Variants in KMT2C observed in about 807,000 individuals in gnomAD.
The protein encoded by KMT2C is histone-lysine N-methyltransferase 2C.
A neutral mutation model predicts 507.9 loss-of-function variants in KMT2C; 88 were observed. The observed-to-expected ratio is 0.17, with a 90% CI of 0.15 to 0.21. The LOEUF is 0.21. Ranked by LOEUF, KMT2C falls within the 10% of genes least tolerant of loss-of-function variation. KMT2C has a pLI of 1.00. For missense variants in KMT2C, 4,954 were observed against 5,957.8 expected, an observed-to-expected ratio of 0.83 and a Z score of 5.55; for synonymous variants, 2,049 against 2,080.8, an observed-to-expected ratio of 0.98 and a Z score of 0.42.
At chr7:152,187,991 C>G in intron 31 of KMT2C, 144 bp from the exon 32 acceptor site, 1 of 764,772 alleles carries the variant, frequency 1.3e-6, no homozygotes, top group Non-Finnish European at 2.1e-6. Flanking sequence ...GGATAGAAAA[C>G]ACAGGGAAAC....
chr7:152,390,261 A>G (rs2116539951), intron 1 of KMT2C, among the ~76,000 whole-genome samples: 1 of 152,422 alleles, frequency 6.6e-6, no homozygotes, highest in East Asian at 1.9e-4. Context: ...AAATGACATA[A>G]CTAAATATTC....
intron 7 of KMT2C, 131 bp downstream of exon 7, chr7:152,273,574 C>G: frequency 1.1e-6 from 1 of 942,870 alleles, no homozygotes; most frequent in South Asian, 3.7e-5. Flanking sequence ...GGCAACGATC[C>G]CTCAGATTTT....
intron 1 of KMT2C, among the ~76,000 whole-genome samples, chr7:152,412,406 A>G (rs78150962): frequency 1.1e-4 from 17 of 152,208 alleles, no homozygotes. Context: ...CTCTCAAAAA[A>G]AAATTTTTTT....
chr7:152,138,919 G>A lies in KMT2C; in HGVS notation c.14535-15C>T, dbSNP rs2129089313. 1 of 1,577,994 alleles carries A rather than the reference G, an allele frequency of 6.3e-7. No individual in the cohort carries two copies. Among genetic ancestry groups the A allele is most frequent in the Non-Finnish European group, 8.7e-7 (1 of 1,147,014 alleles). Reference sequence around the variant, plus strand: ...GGTTGATATACCTGCAAGCCACCATGTCAGAAAACTGTATTGTAAAACAGC... The same window carrying A: ...GGTTGATATACCTGCAAGCCACCATATCAGAAAACTGTATTGTAAAACAGC... On this transcript the variant is annotated splice_polypyrimidine_tract_variant and intron_variant, in intron 57 of 58. Transcript: ENST00000262189. The surrounding 1 kb of genome is among the most constrained non-coding windows in gnomAD (Gnocchi z 4.2).
At chr7:152,422,621 T>C (rs1480484820) in intron 1 of KMT2C, among the ~76,000 whole-genome samples, 1 of 152,112 alleles carries the variant, frequency 6.6e-6, no homozygotes, top group African/African-American at 2.4e-5. Context: ...GATAAACCAA[T>C]TGCTCAAAGT....
intron 6 of KMT2C, among the ~76,000 whole-genome samples, chr7:152,275,777 A>G (rs1320750957): frequency 8.5e-5 from 13 of 152,194 alleles, no homozygotes; most frequent in Non-Finnish European, 1.9e-4. Flanking sequence ...GAAAAGTACA[A>G]TCAATCTGTT....
At chr7:152,235,987 T>C (rs2095264671) in intron 15 of KMT2C, 54 bp from the exon 16 acceptor site, 1 of 1,035,616 alleles carries the variant, frequency 9.7e-7, no homozygotes, top group Non-Finnish European at 1.5e-6. Flanking sequence ...AAATAATTTT[T>C]AAATCCAAAT....
intron 31 of KMT2C, among the ~76,000 whole-genome samples, chr7:152,193,109 G>A (rs2093853719): frequency 1.3e-5 from 2 of 152,176 alleles, no homozygotes; most frequent in African/African-American, 2.4e-5. Flanking sequence ...CCAGGAGATC[G>A]CAGCTGACGT....
chr7:152,234,793 C>A (rs1321546587), intron 16 of KMT2C, among the ~76,000 whole-genome samples: 1 of 151,818 alleles, frequency 6.6e-6, no homozygotes, highest in Non-Finnish European at 1.5e-5. Context: ...GGCCCAGCTA[C>A]TTGGGAGACG....
chr7:152,139,407 A>AT (rs2090267051), intron 56 of KMT2C, 148 bp from the exon 57 acceptor site: 1 of 712,236 alleles, frequency 1.4e-6, no homozygotes, highest in African/African-American at 1.8e-5. Flanking sequence ...CACAGATGAC[A>AT]TTTACATGGC....
chr7:152,219,117 A>G (rs1260140640), intron 23 of KMT2C, among the ~76,000 whole-genome samples: 2 of 151,874 alleles, frequency 1.3e-5, no homozygotes, highest in Non-Finnish European at 2.9e-5. Flanking sequence ...TTACAGGTGC[A>G]TGCCACTGAG....
chr7:152,244,563 A>G (rs1209473421), intron 14 of KMT2C, among the ~76,000 whole-genome samples: 2 of 152,188 alleles, frequency 1.3e-5, no homozygotes, highest in Non-Finnish European at 2.9e-5. Context: ...ATGAAATACT[A>G]AATTATTTAT....
At chr7:152,236,871 G>A (rs577886977) in intron 15 of KMT2C, among the ~76,000 whole-genome samples, 2 of 152,208 alleles carry the variant, frequency 1.3e-5, no homozygotes, top group South Asian at 4.2e-4. Flanking sequence ...AAAATTATTT[G>A]AGGATTATAG....
chr7:152,272,176 C>T (rs1377533689), intron 7 of KMT2C, among the ~76,000 whole-genome samples: 1 of 152,064 alleles, frequency 6.6e-6, no homozygotes, highest in South Asian at 2.1e-4. Context: ...TGCCATAAAC[C>T]TTTCATTATA....
chr7:152,180,686 A>T (rs2129118969), intron 36 of KMT2C, 25 bp downstream of exon 36: 1 of 1,522,102 alleles, frequency 6.6e-7, no homozygotes, highest in Non-Finnish European at 9.0e-7. Context: ...ATACATTTAA[A>T]ACTGAGAACA....
chr7:152,180,735 T>C lies in KMT2C; in HGVS notation c.7125A>G (p.Gln2375=), dbSNP rs2093408103. The C allele has an allele frequency of 1.2e-6, 2 of 1,613,590 alleles. No individual in the cohort carries two copies. The highest frequency in any genetic ancestry group is 2.7e-5 in the African/African-American group (2 of 75,036). ...TDTQNTVNMA[Q]ADTEKLRQRQ... is the part of the protein sequence containing the mutation. The stretch of plus-strand genomic sequence containing the variant: ...CCTGTCTCAATTTCTCTGTATCTGC[T>C]TGGGCCATATTTACAGTATTCTGTG... The change falls in exon 36 of 59, where the codon CAA becomes CAG. Residue 2375 remains glutamine, a synonymous_variant. Coordinates refer to ENST00000262189, the MANE Select transcript of KMT2C (RefSeq NM_170606.3).
intron 39 of KMT2C, among the ~76,000 whole-genome samples, chr7:152,173,397 G>C (rs560808623): frequency 6.6e-6 from 1 of 152,208 alleles, no homozygotes; most frequent in Non-Finnish European, 1.5e-5. Flanking sequence ...CATGACGCTT[G>C]CTAAAAATAC....
At chr7:152,207,144 T>C (rs1258130394) in intron 24 of KMT2C, among the ~76,000 whole-genome samples, 156 bp downstream of exon 24, 5 of 152,176 alleles carry the variant, frequency 3.3e-5, no homozygotes, top group Admixed American at 6.5e-5. Context: ...AAAAGTCGTA[T>C]TCAAATAGTT....
At chr7:152,246,896 G>A (rs2095482567) in intron 14 of KMT2C, among the ~76,000 whole-genome samples, 1 of 152,030 alleles carries the variant, frequency 6.6e-6, no homozygotes, top group African/African-American at 2.4e-5. Context: ...TGTCTTTAGA[G>A]AATAAAATAT....
Sources: allele counts gnomAD v4.1 joint callset (sites outside exome capture counted in the v4.1 genomes callset), GRCh38; gene constraint gnomAD v4.1.1; non-coding constraint Gnocchi (gnomAD v3.1); transcripts MANE v1.5; gene names NCBI Gene and HGNC (gene_info 2026-07-23, HGNC 2026-07-21).